Variants in ASTN2 observed in about 807,000 individuals in gnomAD.
ASTN2 encodes the protein astrotactin-2.
Under a neutral mutation model 139.8 loss-of-function variants are expected in ASTN2, and 54 were observed. The observed-to-expected ratio is 0.39, with a 90% confidence interval of 0.31 to 0.48. The LOEUF (loss-of-function observed/expected upper bound fraction) is 0.48. ASTN2 is among the 20% of genes least tolerant of loss of function. The pLI is 0.95. For missense variants in ASTN2, 1,565 were observed against 1,725.1 expected (o/e 0.91, Z 1.64); for synonymous variants, 756 against 719.5 (o/e 1.05, Z -0.81).
At chr9:117,096,185 C>A in intron 4 of ASTN2, 34 bp from the exon 5 acceptor site, 1 of 1,566,908 alleles carries the variant, frequency 6.4e-7, no homozygotes, top group Non-Finnish European at 8.8e-7. Flanking sequence ...GTTAGTCTCC[C>A]AGGCCTCCAG....
At chr9:117,011,253 T>C (rs2132592390) in intron 6 of ASTN2, among the ~76,000 whole-genome samples, 1 of 152,300 alleles carries the variant, frequency 6.6e-6, no homozygotes, top group Admixed American at 6.5e-5. Flanking sequence ...GTTTGTGTCC[T>C]CCCAAATCCC....
intron 3 of ASTN2, among the ~76,000 whole-genome samples, chr9:117,146,511 T>C (rs1412235853): frequency 6.8e-6 from 1 of 147,100 alleles, no homozygotes. Context: ...AAGAGATAAC[T>C]GTGCTCAGTA....
At chr9:117,344,185 G>A (rs1395316727) in intron 1 of ASTN2, among the ~76,000 whole-genome samples, 1 of 150,850 alleles carries the variant, frequency 6.6e-6, no homozygotes, top group Middle Eastern at 3.4e-3. Flanking sequence ...AGCACGTGGA[G>A]AAAAAAAAAC....
chr9:117,225,427 C>G (rs1229729730), intron 2 of ASTN2, among the ~76,000 whole-genome samples: 3 of 150,702 alleles, frequency 2.0e-5, no homozygotes, highest in African/African-American at 7.3e-5. Context: ...TGAAAATATA[C>G]AGATGGGCCA....
chr9:116,707,493 T>C (rs1828022820), intron 16 of ASTN2, among the ~76,000 whole-genome samples: 1 of 151,808 alleles, frequency 6.6e-6, no homozygotes, highest in Non-Finnish European at 1.5e-5. Flanking sequence ...ATGAGCAGGA[T>C]CGAGAGGACC....
At chr9:116,672,161 C>T (rs1859234268) in intron 16 of ASTN2, among the ~76,000 whole-genome samples, 1 of 152,036 alleles carries the variant, frequency 6.6e-6, no homozygotes, top group African/African-American at 2.4e-5. Flanking sequence ...ATGGCTTGAG[C>T]TCAGGAGTTC....
intron 16 of ASTN2, chr9:116,686,808 A>T (rs1332807980): frequency 7.1e-6 from 11 of 1,550,550 alleles, no homozygotes; most frequent in Non-Finnish European, 9.6e-6. Context: ...GTGTTCATGG[A>T]TAAACTTGTC....
At chr9:116,941,989 T>TAAAAAAAA (rs34288493) in intron 10 of ASTN2, among the ~76,000 whole-genome samples, 1 of 136,122 alleles carries the variant, frequency 7.3e-6, no homozygotes, top group African/African-American at 2.8e-5. Context: ...CTAGATAAGC[T>TAAAAAAAA]AAAAAAAAAA....
chr9:116,651,445 T>C, intron 17 of ASTN2, 83 bp downstream of exon 17: 4 of 1,462,416 alleles, frequency 2.7e-6, no homozygotes, highest in South Asian at 2.6e-5. Context: ...ATGATGACAA[T>C]ACCCCTGGAC....
At chr9:117,153,047 A>G (rs1028491079) in intron 3 of ASTN2, among the ~76,000 whole-genome samples, 13 of 152,068 alleles carry the variant, frequency 8.5e-5, no homozygotes, top group Non-Finnish European at 4.4e-5. Flanking sequence ...CTCAGTATAG[A>G]TAGAGTACAC....
intron 4 of ASTN2, among the ~76,000 whole-genome samples, chr9:117,111,254 C>T (rs1425890123): frequency 6.6e-6 from 1 of 152,132 alleles, no homozygotes; most frequent in Admixed American, 6.6e-5. Context: ...CAAAGGCCAA[C>T]TCTAAGATGA....
At chr9:117,243,771 A>G (rs1564500546) in intron 2 of ASTN2, among the ~76,000 whole-genome samples, 1 of 152,168 alleles carries the variant, frequency 6.6e-6, no homozygotes, top group African/African-American at 2.4e-5. Flanking sequence ...TGTACAGGGC[A>G]GGCCTTGGGA....
chr9:116,595,334 G>GTTC lies in ASTN2; in HGVS notation c.3355+22989_3355+22990insGAA, dbSNP rs902557762. 5.7e-4 allele frequency among the ~76,000 whole-genome samples: 86 copies of GTTC among 151,784 alleles called. 1 individual carries two copies. Among genetic ancestry groups the GTTC allele is most frequent in the Admixed American group, 3.3e-4 (5 of 15,262 alleles). On this transcript the variant is annotated intron_variant, in intron 19 of 22. Transcript: ENST00000313400. Reference sequence around the variant, plus strand: ...CTCTTGCTTCATTCTTGTTGTTGCTGTTGTTGTTGTTGAGACGGAGTCTCA... The same window carrying GTTC: ...CTCTTGCTTCATTCTTGTTGTTGCTGTTCTTGTTGTTGTTGAGACGGAGTCTCA...
intron 4 of ASTN2, among the ~76,000 whole-genome samples, chr9:117,136,236 T>C (rs568383501): frequency 5.1e-4 from 77 of 152,322 alleles, no homozygotes; most frequent in Non-Finnish European, 7.1e-4. Flanking sequence ...GGAAATCCTT[T>C]GAAGATGGTA....
At chr9:116,783,326 ATC>A (rs1564265050) in intron 13 of ASTN2, among the ~76,000 whole-genome samples, 4 of 78,044 alleles carry the variant, frequency 5.1e-5, no homozygotes, top group African/African-American at 2.0e-4. Context: ...CTCTCCCTCT[ATC>A]TCTCTTTCCC....
At chr9:116,585,578 T>C (rs949734879) in intron 19 of ASTN2, 1 of 152,196 alleles carries the variant, frequency 6.6e-6, no homozygotes, top group Non-Finnish European at 1.5e-5. Context: ...AAGGACTCCT[T>C]ATTCAGTAAA....
intron 12 of ASTN2, among the ~76,000 whole-genome samples, chr9:116,811,968 A>C (rs1055028160): frequency 2.0e-5 from 3 of 152,084 alleles, no homozygotes; most frequent in African/African-American, 7.2e-5. Flanking sequence ...AGAACTTCTT[A>C]TGTTGCATTC....
intron 1 of ASTN2, among the ~76,000 whole-genome samples, chr9:117,326,452 A>T (rs1359132791): frequency 6.6e-6 from 1 of 152,214 alleles, no homozygotes; most frequent in East Asian, 1.9e-4. Context: ...AAAAACAGGC[A>T]TATAAATAAT....
intron 16 of ASTN2, among the ~76,000 whole-genome samples, chr9:116,693,811 G>A (rs1860696757): frequency 6.6e-6 from 1 of 152,188 alleles, no homozygotes; most frequent in African/African-American, 2.4e-5. Flanking sequence ...GTCTTTTGGG[G>A]AAACTGAAGT....
Sources: gnomAD v4.1 joint callset for allele counts (sites outside exome capture counted in the v4.1 genomes callset) on GRCh38, gnomAD v4.1.1 for gene constraint, MANE v1.5 for transcripts, NCBI Gene and HGNC (gene_info 2026-07-23, HGNC 2026-07-21) for gene names.